The following MSRB3 variants were observed in gnomAD, a reference collection of about 807,000 sequenced individuals.
The protein encoded by MSRB3 is methionine-R-sulfoxide reductase B3.
A neutral mutation model predicts 21.0 loss-of-function variants in MSRB3; 13 were observed. The ratio of observed to expected loss-of-function variants is 0.62; its 90% confidence interval spans 0.40 to 0.98. The LOEUF is 0.98. Among genes scored for constraint, MSRB3 ranks in the 50% least tolerant of loss-of-function variants. The pLI, the probability that MSRB3 is intolerant of heterozygous loss-of-function variation, is 0.00. For synonymous variants in MSRB3, 87 were observed against 88.6 expected (o/e 0.98, Z 0.10); for missense variants, 199 against 230.3 (o/e 0.86, Z 0.88).
chr12:65,323,439 G>A (rs1190719760), intron 2 of MSRB3, among the ~76,000 whole-genome samples: 1 of 152,158 alleles, frequency 6.6e-6, no homozygotes, highest in Non-Finnish European at 1.5e-5. Flanking sequence ...TACCAAAATG[G>A]CAATATTATC....
chr12:65,432,865 T>C (rs1472631591), intron 5 of MSRB3, among the ~76,000 whole-genome samples: 5 of 151,990 alleles, frequency 3.3e-5, no homozygotes, highest in Non-Finnish European at 7.4e-5. Context: ...ATTGTACCTC[T>C]AATCCTTTTA....
intron 1 of MSRB3, among the ~76,000 whole-genome samples, chr12:65,295,314 T>C (rs1448309476): frequency 6.6e-6 from 1 of 152,230 alleles, no homozygotes; most frequent in Non-Finnish European, 1.5e-5. Flanking sequence ...CTGCCTTGCC[T>C]TTGTTAGCTA....
At chr12:65,433,050 A>G (rs1881958822) in intron 5 of MSRB3, among the ~76,000 whole-genome samples, 1 of 151,984 alleles carries the variant, frequency 6.6e-6, no homozygotes, top group Non-Finnish European at 1.5e-5. Flanking sequence ...ACTTAATGTG[A>G]AAACAATATG....
chr12:65,373,515 AT>A (rs568043033), intron 5 of MSRB3, among the ~76,000 whole-genome samples: 27 of 150,654 alleles, frequency 1.8e-4, no homozygotes, highest in Admixed American at 6.6e-4. Context: ...CAAAACAAAG[AT>A]TTTTTTTTTC....
intron 4 of MSRB3, among the ~76,000 whole-genome samples, chr12:65,354,651 T>C (rs1877273531): frequency 6.6e-6 from 1 of 151,876 alleles, no homozygotes; most frequent in Non-Finnish European, 1.5e-5. Context: ...GAAAGATCTT[T>C]AAGTTTACTA....
chr12:65,280,018 A>G (rs1375344106), intron 1 of MSRB3, among the ~76,000 whole-genome samples: 1 of 152,198 alleles, frequency 6.6e-6, no homozygotes, highest in Non-Finnish European at 1.5e-5. Flanking sequence ...ACATGACTCT[A>G]TGAAGCATAG....
chr12:65,439,579 T>C (rs900813920), intron 5 of MSRB3, among the ~76,000 whole-genome samples: 1 of 151,690 alleles, frequency 6.6e-6, no homozygotes, highest in Non-Finnish European at 1.5e-5. Context: ...GTATAGCCCA[T>C]ATTTTTATAA....
intron 5 of MSRB3, among the ~76,000 whole-genome samples, chr12:65,371,503 C>A (rs10878266): frequency 0.65 from 98,416 of 150,748 alleles, 32,220 homozygotes; most frequent in Admixed American, 0.72. Flanking sequence ...CTAGGAAAAA[C>A]AAAACCATAA....
intron 5 of MSRB3, among the ~76,000 whole-genome samples, chr12:65,378,583 C>T (rs936172299): frequency 5.3e-5 from 8 of 152,152 alleles, no homozygotes; most frequent in East Asian, 1.9e-4. Flanking sequence ...TATATGGTTG[C>T]GATGTGGCCA....
At chr12:65,425,086 T>C (rs1218657987) in intron 5 of MSRB3, among the ~76,000 whole-genome samples, 1 of 118,258 alleles carries the variant, frequency 8.5e-6, no homozygotes, top group Non-Finnish European at 1.8e-5. Context: ...CTTGAAGAAT[T>C]GACTGCTTTA....
Position 65,465,470 on chromosome 12 carries a change from AAAC to A in MSRB3, c.*2154_*2156del, listed in dbSNP as rs528310533. The A allele has an allele frequency of 9.2e-5, 14 of 152,346 alleles. No individual in the cohort carries two copies. The East Asian group carries it at 2.7e-3, about 29-fold the overall frequency. 9.4% of individuals were successfully genotyped at this position (152,346 alleles called of 1,614,324 possible). On this transcript the variant is annotated 3_prime_UTR_variant, in exon 7 of 7. Transcript: ENST00000308259. The stretch of plus-strand genomic sequence containing the variant: ...AGAGGGACATTTGACAATTTTAAAG[AAAC>A]AACAAGAAATTAGAATGAAAATCTG...
intron 5 of MSRB3, among the ~76,000 whole-genome samples, chr12:65,451,282 T>C (rs973038363): frequency 1.4e-4 from 22 of 152,186 alleles, no homozygotes; most frequent in Non-Finnish European, 2.9e-4. Context: ...TATTTTTGAC[T>C]GTCTCTTCTA....
intron 5 of MSRB3, among the ~76,000 whole-genome samples, chr12:65,411,741 A>G (rs1880726064): frequency 6.7e-6 from 1 of 149,254 alleles, no homozygotes; most frequent in Admixed American, 6.7e-5. Flanking sequence ...ATATATATAC[A>G]GTATATTTAT....
chr12:65,368,132 C>G (rs1878118021), intron 4 of MSRB3, among the ~76,000 whole-genome samples: 1 of 152,164 alleles, frequency 6.6e-6, no homozygotes, highest in South Asian at 2.1e-4. Flanking sequence ...AAAGAAATCT[C>G]CTTTCCCACT....
chr12:65,350,539 C>T (rs1429658253), intron 4 of MSRB3, among the ~76,000 whole-genome samples: 3 of 150,936 alleles, frequency 2.0e-5, no homozygotes, highest in South Asian at 4.2e-4. Flanking sequence ...GAGTCAAGAC[C>T]CATCAGTGTG....
rs1180331133 is a variant in MSRB3, at chr12:65,453,835, T to C, written c.390+10T>C. 8 of 1,610,834 alleles carry C rather than the reference T, an allele frequency of 5.0e-6. No homozygotes were observed. Among genetic ancestry groups the C allele is most frequent in the Non-Finnish European group, 5.9e-6 (7 of 1,177,008 alleles). The stretch of plus-strand genomic sequence containing the variant: ...AACAAGCTGCTCTCAGGTGAGTTCA[T>C]CCTTTCTGAAAACCCAATACATTGC... On this transcript the variant is annotated intron_variant, in intron 6 of 6. Coordinates refer to ENST00000308259, the MANE Select transcript of MSRB3 (RefSeq NM_001031679.3).
At chr12:65,418,257 A>C (rs1592617907) in intron 5 of MSRB3, among the ~76,000 whole-genome samples, 1 of 152,274 alleles carries the variant, frequency 6.6e-6, no homozygotes. Context: ...GGAGCAAGTC[A>C]CCACACCCAG....
At chr12:65,431,729 T>A (rs1415433417) in intron 5 of MSRB3, among the ~76,000 whole-genome samples, 1 of 152,088 alleles carries the variant, frequency 6.6e-6, no homozygotes, top group Non-Finnish European at 1.5e-5. Context: ...TCAGAAATTC[T>A]TAGTGATTAT....
intron 5 of MSRB3, among the ~76,000 whole-genome samples, chr12:65,390,757 T>C (rs1879439944): frequency 6.6e-6 from 1 of 152,148 alleles, no homozygotes. Flanking sequence ...TACCATACTC[T>C]CTACATGGAA....
Sources: gnomAD v4.1 joint callset for allele counts (sites outside exome capture counted in the v4.1 genomes callset) on GRCh38, gnomAD v4.1.1 for gene constraint, MANE v1.5 for transcripts, NCBI Gene and HGNC (gene_info 2026-07-23, HGNC 2026-07-21) for gene names.